TGFB3: variants seen among roughly 807,000 people sequenced by gnomAD.
The protein encoded by TGFB3 is transforming growth factor beta 3.
A neutral mutation model predicts 40.1 loss-of-function variants in TGFB3; 5 were observed. The observed-to-expected ratio is 0.12, with a 90% confidence interval of 0.07 to 0.26. TGFB3 has a LOEUF of 0.26. TGFB3 is among the 10% of genes least tolerant of loss of function. The probability of loss-of-function intolerance (pLI) is 1.00; values close to 1 mark genes in which losing one functional copy is unlikely to be tolerated. For missense variants in TGFB3, 373 were observed against 530.1 expected, an observed-to-expected ratio of 0.70 and a Z score of 2.91; for synonymous variants, 184 against 205.6, an observed-to-expected ratio of 0.89 and a Z score of 0.90.
rs4252348 is a variant in TGFB3 at position 75,958,521 on chromosome 14, T to C, written c.*666A>G. 0.023 allele frequency: 3,642 copies of C among 155,260 alleles called. 142 individuals carry two copies. The highest frequency in any genetic ancestry group is 0.079 in the African/African-American group (3,301 of 41,550). The allele number at this position is 155,260 out of a possible 1,614,324, so 9.6% of individuals were successfully genotyped here. A position where few individuals can be genotyped will look rare whatever the true frequency, so the allele number is the denominator to read the frequency against. On this transcript the variant is annotated 3_prime_UTR_variant, in exon 7 of 7. Transcript: ENST00000238682. ...GTTGATTTCCACCCTTTCTTCTGCG[T>C]TCAGCATATCCAAAAGGCCCAATAC... is the stretch of plus-strand genomic sequence containing the variant.
At chr14:75,971,000 A>C in intron 3 of TGFB3, 126 bp downstream of exon 3, 1 of 1,347,844 alleles carries the variant, frequency 7.4e-7, no homozygotes. Flanking sequence ...GAGGATACTC[A>C]GTGGCAAAGC....
In TGFB3 at chr14:75,979,700, C is replaced by G. The variant is rs527892786; in HGVS notation, c.352+842G>C. Among the ~76,000 whole-genome samples the G allele has an allele frequency of 6.0e-5, 9 of 150,172 alleles. No homozygotes were observed. The highest frequency in any genetic ancestry group is 4.2e-4 in the South Asian group (2 of 4,732). On this transcript the variant is annotated intron_variant, in intron 1 of 6. Coordinates refer to ENST00000238682, the MANE Select transcript of TGFB3 (RefSeq NM_003239.5). This position sits in a 1 kb window ranked among gnomAD's most constrained non-coding sequence, Gnocchi z 4.8. ...GACGGCAGGCTCCCAGACATATCCC[C>G]CCCCCCCACCATGCACCCACTGCCA... is the stretch of plus-strand genomic sequence containing the variant.
chr14:75,965,546 C>G (rs1485187999), intron 4 of TGFB3, 42 bp downstream of exon 4: 2 of 1,530,668 alleles, frequency 1.3e-6, no homozygotes, highest in East Asian at 2.2e-5. Context: ...CATTAACTTC[C>G]CCCCCACTCA....
chr14:75,974,323 C>T (rs1359442746), intron 1 of TGFB3, among the ~76,000 whole-genome samples: 1 of 151,914 alleles, frequency 6.6e-6, no homozygotes, highest in Non-Finnish European at 1.5e-5. Flanking sequence ...AGGATGAACA[C>T]ATCCTGGGGA....
In TGFB3 at chr14:75,980,222, G is replaced by A. The variant is rs2035407719; in HGVS notation, c.352+320C>T. Among the ~76,000 whole-genome samples, 1 of 152,192 alleles carries A rather than the reference G, an allele frequency of 6.6e-6. No homozygotes were observed. The highest frequency in any genetic ancestry group is 2.1e-4 in the South Asian group (1 of 4,826). On this transcript the variant is annotated intron_variant, in intron 1 of 6. Coordinates refer to ENST00000238682, the MANE Select transcript of TGFB3 (RefSeq NM_003239.5). This position sits in a 1 kb window ranked among gnomAD's most constrained non-coding sequence, Gnocchi z 4.3. Reference sequence around the variant, plus strand: ...TACAGTTACTGATACGATCGCATGTGCAAGAATACATATGTTTCCCTGGAC... The same window carrying A: ...TACAGTTACTGATACGATCGCATGTACAAGAATACATATGTTTCCCTGGAC...
chr14:75,975,452 T>C (rs1393702954), intron 1 of TGFB3, among the ~76,000 whole-genome samples: 1 of 152,160 alleles, frequency 6.6e-6, no homozygotes, highest in Non-Finnish European at 1.5e-5. Flanking sequence ...GACAATCAAA[T>C]TCACTGAATA....
rs764140082 is a variant in TGFB3 at position 75,980,512 on chromosome 14, G to A, written c.352+30C>T. On this transcript the variant is annotated intron_variant, in intron 1 of 6. Transcript: ENST00000238682. This position sits in a 1 kb window ranked among gnomAD's most constrained non-coding sequence, Gnocchi z 4.3. ...CCAGCTCCAGTTCAGACCCTCCAGAGCAGACACCCCAGCGAGAATTTGGAC... is the reference window on the plus strand; with the variant it reads ...CCAGCTCCAGTTCAGACCCTCCAGAACAGACACCCCAGCGAGAATTTGGAC... 63 of 1,608,760 alleles carry A rather than the reference G, an allele frequency of 3.9e-5. No individual in the cohort carries two copies. Among genetic ancestry groups the A allele is most frequent in the Non-Finnish European group, 5.1e-5 (60 of 1,175,236 alleles).
rs4252350 is a variant in TGFB3 at position 75,979,946 on chromosome 14, G to A, written c.352+596C>T. ...TCCTTCCACACACACAGCTCACGTG[G>A]GTCTCGTGGGTCACGTGGGTGGGGT... On this transcript the variant is annotated intron_variant, in intron 1 of 6. Transcript: ENST00000238682. The surrounding 1 kb of genome is among the most constrained non-coding windows in gnomAD (Gnocchi z 4.8). 2.6e-4 allele frequency among the ~76,000 whole-genome samples: 39 copies of A among 152,304 alleles called. No homozygotes were observed. Among genetic ancestry groups the A allele is most frequent in the Non-Finnish European group, 5.3e-4 (36 of 68,024 alleles).
In TGFB3 at chr14:75,959,129, G is replaced by C; in HGVS notation, c.*58C>G. 3.7e-6 allele frequency: 6 copies of C among 1,610,528 alleles called. No individual in the cohort carries two copies. On this transcript the variant is annotated 3_prime_UTR_variant, in exon 7 of 7. Transcript: ENST00000238682. ...GTTTGTTGCTTGTGTGTTTCCCGAG[G>C]AGCGGGCAGTCAGGCAGTGGTGGTT...
chr14:75,981,958 T>C lies in TGFB3; in HGVS notation c.-1065A>G, dbSNP rs2035440746. ...TCCCTCTCCCTCTCGCTCCTCTCCC[T>C]CTCTCTCTCACACACACACACATGC... On this transcript the variant is annotated 5_prime_UTR_variant, in exon 1 of 7. Coordinates refer to ENST00000238682, the MANE Select transcript of TGFB3 (RefSeq NM_003239.5). The surrounding 1 kb of genome is among the most constrained non-coding windows in gnomAD (Gnocchi z 4.7). 1.3e-5 allele frequency among the ~76,000 whole-genome samples: 2 copies of C among 150,676 alleles called. No individual in the cohort carries two copies. The highest frequency in any genetic ancestry group is 4.2e-4 in the South Asian group (2 of 4,742).
At chr14:75,973,841 G>A (rs1026662131) in intron 1 of TGFB3, among the ~76,000 whole-genome samples, 3 of 152,234 alleles carry the variant, frequency 2.0e-5, no homozygotes, top group African/African-American at 7.2e-5. Flanking sequence ...GCACCTTGCT[G>A]TAAAAAGAAG....
chr14:75,959,240 G>T lies in TGFB3; in HGVS notation c.1186C>A (p.Pro396Thr). The T allele has an allele frequency of 6.2e-7, 1 of 1,614,132 alleles. No individual in the cohort carries two copies. The highest frequency in any genetic ancestry group is 8.5e-7 in the Non-Finnish European group (1 of 1,180,014). The change falls in exon 7 of 7, where the codon CCC becomes ACC. Residue 396 changes from proline to threonine, a missense_variant. Pro to Thr is a conservative substitution (Grantham distance 38). Transcript: ENST00000238682. Reference protein sequence around the residue: ...LTILYYVGRTPKVEQLSNMVV... With the variant: ...LTILYYVGRTTKVEQLSNMVV... ...ATGTTGGAGAGCTGCTCCACTTTGG[G>T]GGTCCTCCCAACATAGTACAGGATG... is the stretch of plus-strand genomic sequence containing the variant.
chr14:75,981,681 A>G lies in TGFB3; in HGVS notation c.-788T>C, dbSNP rs529649741. The G allele has an allele frequency of 1.3e-5, 2 of 152,764 alleles. No homozygotes were observed. Among genetic ancestry groups the G allele is most frequent in the East Asian group, 1.9e-4 (1 of 5,192 alleles). 9.5% of individuals were successfully genotyped at this position (152,764 alleles called of 1,614,324 possible). A position where few individuals can be genotyped will look rare whatever the true frequency, so the allele number is the denominator to read the frequency against. On this transcript the variant is annotated 5_prime_UTR_variant, in exon 1 of 7. Transcript: ENST00000238682. The surrounding 1 kb of genome is among the most constrained non-coding windows in gnomAD (Gnocchi z 4.7). ...CAGGCCTCTGAGCGCAGCAGCCCCA[A>G]TCATCCACTCAGACGCCCAGGGTCA...
chr14:75,981,417 G>A lies in TGFB3; in HGVS notation c.-524C>T. 1.1e-5 allele frequency: 2 copies of A among 175,190 alleles called. No homozygotes were observed. The highest frequency in any genetic ancestry group is 5.4e-5 in the Admixed American group (1 of 18,398). The allele number at this position is 175,190 out of a possible 1,614,324, so 10.9% of individuals were successfully genotyped here. A position where few individuals can be genotyped will look rare whatever the true frequency, so the allele number is the denominator to read the frequency against. On this transcript the variant is annotated 5_prime_UTR_variant, in exon 1 of 7. Coordinates refer to ENST00000238682, the MANE Select transcript of TGFB3 (RefSeq NM_003239.5). This position sits in a 1 kb window ranked among gnomAD's most constrained non-coding sequence, Gnocchi z 4.7. ...AAGAAAAGAGAATGGAAAAGAAAAG[G>A]GAAAAAAAAGTAAAAAAAAAAAGAT...
At chr14:75,982,408 G>A (rs2035447227), upstream of TGFB3, among the ~76,000 whole-genome samples, 1 of 152,178 alleles carries the variant, frequency 6.6e-6, no homozygotes, top group African/African-American at 2.4e-5. This position sits in a 1 kb window ranked among gnomAD's most constrained non-coding sequence, Gnocchi z 4.0. Context: ...AGAGGGCGCG[G>A]GACCCGGTAG....
chr14:75,963,631 T>C (rs1219817268), intron 4 of TGFB3, 144 bp from the exon 5 acceptor site: 4 of 930,024 alleles, frequency 4.3e-6, no homozygotes, highest in Non-Finnish European at 6.9e-6. Flanking sequence ...TGCAGCTTAA[T>C]TCTGATGTCC....
chr14:75,962,677 C>T (rs529083605), intron 5 of TGFB3, among the ~76,000 whole-genome samples: 8 of 152,318 alleles, frequency 5.3e-5, no homozygotes, highest in African/African-American at 1.7e-4. Context: ...CTTAATCCTT[C>T]GGACCCTCTC....
chr14:75,967,675 T>A (rs2035235502), intron 3 of TGFB3, among the ~76,000 whole-genome samples: 1 of 152,140 alleles, frequency 6.6e-6, no homozygotes, highest in Admixed American at 6.5e-5. Flanking sequence ...TTAGAGATGA[T>A]GACAACAATC....
chr14:75,959,846 A>G (rs984898539), intron 6 of TGFB3, among the ~76,000 whole-genome samples: 2 of 151,026 alleles, frequency 1.3e-5, no homozygotes, highest in African/African-American at 4.9e-5. Context: ...TTCATCCACA[A>G]TGACAGAAGC....
Sources: allele counts gnomAD v4.1 joint callset (sites outside exome capture counted in the v4.1 genomes callset), GRCh38; gene constraint gnomAD v4.1.1; non-coding constraint Gnocchi (gnomAD v3.1); transcripts MANE v1.5; gene names NCBI Gene and HGNC (gene_info 2026-07-23, HGNC 2026-07-21).